PKHD1: variants seen among roughly 807,000 people sequenced by gnomAD.
PKHD1 encodes fibrocystin.
A neutral mutation model predicts 412.0 loss-of-function variants in PKHD1; 291 were observed. That is an observed-to-expected ratio of 0.71 (90% CI 0.64 to 0.78). The LOEUF (loss-of-function observed/expected upper bound fraction) is 0.78. PKHD1 is among the 30% of genes least tolerant of loss of function. The pLI is 0.00. For missense variants in PKHD1, 4,825 were observed against 4,950.7 expected (o/e 0.97, Z 0.76); for synonymous variants, 1,777 against 1,821.5 (o/e 0.98, Z 0.62).
At chr6:51,677,955 G>A (rs1776107565) in intron 60 of PKHD1, among the ~76,000 whole-genome samples, 1 of 152,102 alleles carries the variant, frequency 6.6e-6, no homozygotes, top group South Asian at 2.1e-4. Flanking sequence ...AGGGTAAAAT[G>A]TCATCATCTA....
intron 48 of PKHD1, among the ~76,000 whole-genome samples, chr6:51,863,224 T>C (rs534094510): frequency 1.3e-5 from 2 of 149,932 alleles, no homozygotes; most frequent in South Asian, 4.3e-4. Context: ...TATTCTTCAG[T>C]CTGAAAAATA....
intron 52 of PKHD1, among the ~76,000 whole-genome samples, chr6:51,813,526 G>C (rs1358910665): frequency 6.6e-6 from 1 of 152,000 alleles, no homozygotes; most frequent in Non-Finnish European, 1.5e-5. Context: ...AAATAAATGT[G>C]AATATCTCTA....
intron 52 of PKHD1, among the ~76,000 whole-genome samples, chr6:51,824,554 TC>T (rs1489402781): frequency 6.6e-6 from 1 of 152,140 alleles, no homozygotes; most frequent in African/African-American, 2.4e-5. Context: ...TTTCCAAAGA[TC>T]CTTTCATCTT....
At chr6:51,826,321 A>G (rs1767313918) in intron 52 of PKHD1, among the ~76,000 whole-genome samples, 1 of 152,198 alleles carries the variant, frequency 6.6e-6, no homozygotes, top group Admixed American at 6.5e-5. Flanking sequence ...CATGTCTTCA[A>G]ATAAGGACAG....
intron 43 of PKHD1, among the ~76,000 whole-genome samples, chr6:51,888,470 G>A (rs947393075): frequency 3.3e-5 from 5 of 151,214 alleles, no homozygotes; most frequent in African/African-American, 9.7e-5. Context: ...TTTTTTTTTG[G>A]CCTACCCAAT....
intron 40 of PKHD1, among the ~76,000 whole-genome samples, chr6:51,908,492 A>T (rs1025265724): frequency 1.3e-5 from 2 of 152,120 alleles, no homozygotes; most frequent in African/African-American, 2.4e-5. Flanking sequence ...TTACTCAGAA[A>T]TGGAGCTGCT....
intron 27 of PKHD1, among the ~76,000 whole-genome samples, chr6:52,041,891 C>G (rs1160222740): frequency 6.6e-6 from 1 of 152,110 alleles, no homozygotes; most frequent in African/African-American, 2.4e-5. Context: ...CTAGGGGAAA[C>G]AAAAATGACT....
intron 31 of PKHD1, among the ~76,000 whole-genome samples, chr6:52,027,337 G>T (rs1182647872): frequency 2.0e-5 from 3 of 151,878 alleles, no homozygotes; most frequent in Non-Finnish European, 4.4e-5. Flanking sequence ...TTCAAGACCA[G>T]CCTGGCCAAC....
chr6:52,011,706 A>C (rs1244594602), intron 34 of PKHD1, among the ~76,000 whole-genome samples: 1 of 152,258 alleles, frequency 6.6e-6, no homozygotes, highest in African/African-American at 2.4e-5. Context: ...AATAATGAGC[A>C]GGATAACTAG....
At chr6:51,897,575 A>G (rs1301701410) in intron 43 of PKHD1, among the ~76,000 whole-genome samples, 2 of 144,000 alleles carry the variant, frequency 1.4e-5, no homozygotes, top group Non-Finnish European at 3.0e-5. Flanking sequence ...AAATGTAAAG[A>G]CCATTGAGAC....
chr6:51,823,309 T>C (rs1766769716), intron 52 of PKHD1, among the ~76,000 whole-genome samples: 1 of 152,106 alleles, frequency 6.6e-6, no homozygotes, highest in Non-Finnish European at 1.5e-5. Flanking sequence ...ATATACTTCA[T>C]GCTTGCCAAT....
rs558041737 is a variant in PKHD1 at position 51,731,524 on chromosome 6, C to A, written c.10156+12861G>T. 3.3e-5 allele frequency among the ~76,000 whole-genome samples: 5 copies of A among 152,258 alleles called. No individual in the cohort carries two copies. The South Asian group carries it at 1.0e-3, about 32-fold the overall frequency. On this transcript the variant is annotated intron_variant, in intron 60 of 66. Coordinates refer to ENST00000371117, the MANE Select transcript of PKHD1 (RefSeq NM_138694.4). ...CCTGCAAATGGCAGGTAATCCAAGT[C>A]TAGACAAGCTTTGTTTTTTAATTGA... is the stretch of plus-strand genomic sequence containing the variant.
At chr6:52,031,916 C>A (rs1803107881) in intron 29 of PKHD1, among the ~76,000 whole-genome samples, 1 of 152,148 alleles carries the variant, frequency 6.6e-6, no homozygotes, top group Non-Finnish European at 1.5e-5. Context: ...TCAAGCTAAT[C>A]CTAGATGCTT....
chr6:51,676,864 C>CA (rs1236583639), intron 60 of PKHD1, among the ~76,000 whole-genome samples: 1 of 152,020 alleles, frequency 6.6e-6, no homozygotes, highest in South Asian at 2.1e-4. Flanking sequence ...CAATTCTAAG[C>CA]AAAAAATCAT....
chr6:52,048,345 T>C (rs1806189697), intron 23 of PKHD1, 147 bp downstream of exon 23: 3 of 885,750 alleles, frequency 3.4e-6, no homozygotes, highest in African/African-American at 1.6e-5. Flanking sequence ...TCTTTCACTT[T>C]AAGAATGTCA....
intron 60 of PKHD1, among the ~76,000 whole-genome samples, chr6:51,688,649 G>A (rs541687528): frequency 5.3e-5 from 8 of 151,716 alleles, no homozygotes; most frequent in Non-Finnish European, 8.8e-5. Flanking sequence ...ACAACAAGGG[G>A]GATATCACCA....
rs967924375 is a variant in PKHD1 at position 51,942,293 on chromosome 6, T to G, written c.5909-7971A>C. On this transcript the variant is annotated intron_variant, in intron 36 of 66. Coordinates refer to ENST00000371117, the MANE Select transcript of PKHD1 (RefSeq NM_138694.4). The stretch of plus-strand genomic sequence containing the variant: ...AATTCTTACCCAAGAACTGGGACTG[T>G]GCCCTGTAGCCTTTTTATCCAAACA... 1.5e-4 allele frequency among the ~76,000 whole-genome samples: 22 copies of G among 151,658 alleles called. 1 individual carries two copies. The highest frequency in any genetic ancestry group is 5.3e-4 in the African/African-American group (22 of 41,398).
At chr6:51,928,423 A>C (rs1482924403) in intron 37 of PKHD1, among the ~76,000 whole-genome samples, 1 of 152,190 alleles carries the variant, frequency 6.6e-6, no homozygotes, top group Admixed American at 6.5e-5. Flanking sequence ...ACATCCCTAA[A>C]ATTGTGTCGG....
intron 60 of PKHD1, among the ~76,000 whole-genome samples, chr6:51,692,966 G>C (rs1232585629): frequency 6.6e-6 from 1 of 151,984 alleles, no homozygotes; most frequent in Non-Finnish European, 1.5e-5. Flanking sequence ...TTAACTCTTA[G>C]GGCATCACTA....
Sources: gnomAD v4.1 joint callset for allele counts (sites outside exome capture counted in the v4.1 genomes callset) on GRCh38, gnomAD v4.1.1 for gene constraint, MANE v1.5 for transcripts, NCBI Gene and HGNC (gene_info 2026-07-23, HGNC 2026-07-21) for gene names.